SLC6A7: variants seen among roughly 807,000 people sequenced by gnomAD.
SLC6A7 encodes sodium-dependent proline transporter.
Under a neutral mutation model 73.1 loss-of-function variants are expected in SLC6A7, and 58 were observed. That is an observed-to-expected ratio of 0.79 (90% CI 0.64 to 0.99). The LOEUF is 0.99. Among genes scored for constraint, SLC6A7 ranks in the 50% least tolerant of loss-of-function variants. SLC6A7 has a pLI of 0.00. For synonymous variants in SLC6A7, 338 were observed against 338.7 expected (o/e 1.00, Z 0.02); for missense variants, 783 against 831.4 (o/e 0.94, Z 0.72).
chr5:150,199,550 G>A (rs571062302), intron 5 of SLC6A7, among the ~76,000 whole-genome samples, 184 bp downstream of exon 5: 40 of 152,176 alleles, frequency 2.6e-4, no homozygotes, highest in Non-Finnish European at 4.3e-4. Context: ...GAGGACGCAC[G>A]GGGGCAAGGC....
chr5:150,208,023 C>T (rs904950563), intron 13 of SLC6A7, among the ~76,000 whole-genome samples: 1 of 151,672 alleles, frequency 6.6e-6, no homozygotes, highest in Admixed American at 6.6e-5. Flanking sequence ...GCAGGACAGC[C>T]CCCATAACAC....
chr5:150,194,641 G>A (rs1264447130), intron 1 of SLC6A7, 87 bp from the exon 2 acceptor site: 12 of 942,392 alleles, frequency 1.3e-5, no homozygotes, highest in Middle Eastern at 2.1e-4. Context: ...ATTTAGCCCT[G>A]TTCAATTCCA....
chr5:150,197,063 T>A lies in SLC6A7; in HGVS notation c.371T>A (p.Leu124His). 6.2e-7 allele frequency: 1 copy of A among 1,614,064 alleles called. No individual in the cohort carries two copies. The highest frequency in any genetic ancestry group is 8.5e-7 in the Non-Finnish European group (1 of 1,179,986). The change falls in exon 4 of 14, where the codon CTC (leucine) becomes CAC (histidine). Residue 124 changes from leucine to histidine, a missense_variant. Transcript: ENST00000230671. ...LFKGAGAAML[L>H]IVGLVAIYYN... ...CCAGGCGCCGGCGCAGCCATGCTGC[T>A]CATCGTGGGCTTGGTGGCCATCTAC...
chr5:150,203,639 C>G, intron 8 of SLC6A7, 28 bp from the exon 9 acceptor site: 1 of 1,183,056 alleles, frequency 8.5e-7, no homozygotes, highest in Non-Finnish European at 1.3e-6. Context: ...ATGACCCAAG[C>G]TGCTGACCCC....
At chr5:150,199,089 C>T (rs1018170369) in intron 4 of SLC6A7, 139 bp from the exon 5 acceptor site, 10 of 1,186,092 alleles carry the variant, frequency 8.4e-6, no homozygotes, top group Non-Finnish European at 1.1e-5. Context: ...CAGAGTTGGT[C>T]GGAGAAGGAT....
intron 4 of SLC6A7, among the ~76,000 whole-genome samples, chr5:150,198,110 A>AG (rs113670547): frequency 0.033 from 3,124 of 93,600 alleles, 127 homozygotes; most frequent in African/African-American, 0.097. Flanking sequence ...AAAGAAAGAA[A>AG]GAAAGAGAAA....
intron 1 of SLC6A7, 113 bp downstream of exon 1, chr5:150,190,473 C>A (rs921931026): frequency 3.6e-5 from 25 of 695,810 alleles, no homozygotes; most frequent in Non-Finnish European, 5.1e-5. Flanking sequence ...CAGCTTCGGG[C>A]TCTGGGGAAG....
In SLC6A7 at chr5:150,194,816, C is replaced by T. The variant is rs1752942437; in HGVS notation, c.122C>T (p.Thr41Ile). Residue 41 changes from threonine (T) to isoleucine (I), a missense_variant, in exon 2 of 14, where the codon ACA becomes ATA. Physicochemically the swap from Thr to Ile is moderately conservative, Grantham distance 89 (BLOSUM62 -1). Transcript: ENST00000230671. Reference sequence around the variant, plus strand: ...TTTGCTGCACACCGGGGGAACTGGACAGGCAAGCTGGACTTCCTGCTGTCC... The same window carrying T: ...TTTGCTGCACACCGGGGGAACTGGATAGGCAAGCTGGACTTCCTGCTGTCC... ...VDFAAHRGNW[T>I]GKLDFLLSCI... The T allele has an allele frequency of 1.2e-6, 2 of 1,614,032 alleles. No homozygotes were observed. Among genetic ancestry groups the T allele is most frequent in the African/African-American group, 1.3e-5 (1 of 74,896 alleles).
chr5:150,205,075 T>C (rs1017777874), intron 12 of SLC6A7, 148 bp downstream of exon 12: 4 of 609,274 alleles, frequency 6.6e-6, no homozygotes, highest in African/African-American at 1.9e-5. Flanking sequence ...TCCCCTCCCC[T>C]GATGTTCCCA....
In SLC6A7 at chr5:150,210,067, C is replaced by G. The variant is rs1753900110; in HGVS notation, c.*452C>G. 1 of 186,404 alleles carries G rather than the reference C, an allele frequency of 5.4e-6. No homozygotes were observed. Among genetic ancestry groups the G allele is most frequent in the Non-Finnish European group, 1.1e-5 (1 of 87,448 alleles). 11.5% of individuals were successfully genotyped at this position (186,404 alleles called of 1,614,324 possible). On this transcript the variant is annotated 3_prime_UTR_variant, in exon 14 of 14. Transcript: ENST00000230671. ...CCACACACCTTAGCACAACCAGAAT[C>G]TTGAGTTGGGCAGGGAAGGTCAGGG...
rs749482305 is a variant in SLC6A7, at chr5:150,197,291, G to A, written c.584+15G>A. On this transcript the variant is annotated intron_variant, in intron 4 of 13. Transcript: ENST00000230671. ...GAGTACTGGAGGTCAGGCAGCTGCT[G>A]GCCCCGCGGCATCTGAGGGGACCCT... 2.6e-6 allele frequency: 4 copies of A among 1,557,096 alleles called. No individual in the cohort carries two copies. The Middle Eastern group carries it at 6.8e-4, about 265-fold the overall frequency.
rs1337820712 is a variant in SLC6A7 at position 150,201,140 on chromosome 5, G to C, written c.775G>C (p.Val259Leu). The C allele has an allele frequency of 6.2e-7, 1 of 1,613,786 alleles. No individual in the cohort carries two copies. Among genetic ancestry groups the C allele is most frequent in the Non-Finnish European group, 8.5e-7 (1 of 1,179,840 alleles). ...FPYLILLMLL[V>L]RGVTLPGAWK... Reference sequence around the variant, plus strand: ...CTACCTCATCCTGCTCATGCTGCTGGTCCGCGGAGTCACCCTCCCAGGGGC... The same window carrying C: ...CTACCTCATCCTGCTCATGCTGCTGCTCCGCGGAGTCACCCTCCCAGGGGC... Residue 259 changes from valine (V) to leucine (L), a missense_variant, in exon 6 of 14, where the codon GTC (valine) becomes CTC (leucine). Physicochemically the swap from Val to Leu is conservative, Grantham distance 32 (BLOSUM62 1). Coordinates refer to ENST00000230671, the MANE Select transcript of SLC6A7 (RefSeq NM_014228.5).
intron 1 of SLC6A7, among the ~76,000 whole-genome samples, chr5:150,193,897 C>T (rs1752895006): frequency 6.6e-6 from 1 of 152,226 alleles, no homozygotes; most frequent in Admixed American, 6.5e-5. Context: ...CTAGTTCTTC[C>T]ACTCACCAAC....
intron 1 of SLC6A7, among the ~76,000 whole-genome samples, chr5:150,191,360 CACTCAT>C (rs1752775265): frequency 6.6e-6 from 1 of 152,168 alleles, no homozygotes; most frequent in African/African-American, 2.4e-5. Context: ...CTCACACACA[CACTCAT>C]TCATTCAAGT....
chr5:150,204,424 C>T, intron 10 of SLC6A7, 108 bp from the exon 11 acceptor site: 1 of 867,998 alleles, frequency 1.2e-6, no homozygotes, highest in Non-Finnish European at 2.0e-6. Context: ...ACCCTGTCAT[C>T]TTGTGCTGTC....
In SLC6A7 at chr5:150,190,340, C is replaced by A; in HGVS notation, c.13C>A (p.Gln5Lys). The A allele has an allele frequency of 6.6e-7, 1 of 1,509,740 alleles. No homozygotes were observed. Among genetic ancestry groups the A allele is most frequent in the African/African-American group, 1.4e-5 (1 of 69,218 alleles). The allele number at this position is 1,509,740 out of a possible 1,614,324, so 93.5% of individuals were successfully genotyped here. MKKL[Q>K]GAHLRKPVTP... ...CCCGCTCTCCAAGATGAAGAAGCTC[C>A]AGGGAGCTCACCTCCGCAAGGTAGG... The change falls in exon 1 of 14, where the codon CAG becomes AAG. Residue 5 changes from glutamine to lysine, a missense_variant. Physicochemically the swap from Gln to Lys is moderately conservative, Grantham distance 53. Coordinates refer to ENST00000230671, the MANE Select transcript of SLC6A7 (RefSeq NM_014228.5).
chr5:150,192,590 G>A (rs1752835869), intron 1 of SLC6A7, among the ~76,000 whole-genome samples: 1 of 152,216 alleles, frequency 6.6e-6, no homozygotes, highest in Non-Finnish European at 1.5e-5. Flanking sequence ...GGTGGGGTTG[G>A]GAACTCCAGT....
intron 13 of SLC6A7, among the ~76,000 whole-genome samples, chr5:150,206,646 C>T (rs1380614062): frequency 1.3e-5 from 2 of 152,234 alleles, no homozygotes; most frequent in African/African-American, 4.8e-5. Flanking sequence ...TGCTGCCAGA[C>T]CACAGGGGCA....
In SLC6A7 at chr5:150,199,364, A is replaced by T. The variant is rs1350833409; in HGVS notation, c.721A>T (p.Lys241Ter). 6.2e-7 allele frequency: 1 copy of T among 1,612,322 alleles called. No homozygotes were observed. Among genetic ancestry groups the T allele is most frequent in the Non-Finnish European group, 8.5e-7 (1 of 1,179,016 alleles). The change falls in exon 5 of 14, where the codon AAG (lysine) becomes TAG (stop). Residue 241 changes from lysine to a stop codon, truncating the protein, a stop_gained and splice_region_variant. Transcript: ENST00000230671. LOFTEE classifies it high-confidence loss of function. Reference protein sequence around the residue: ...CILKGVKSSGKVVYFTATFPY... With the variant: ...CILKGVKSSG The stretch of plus-strand genomic sequence containing the variant: ...CCTCAAGGGTGTGAAGTCTTCGGGC[A>T]AGGTGAAGCCTGGGAGGCCCCGGAG...
Sources: gnomAD v4.1 joint callset for allele counts (sites outside exome capture counted in the v4.1 genomes callset) on GRCh38, gnomAD v4.1.1 for gene constraint, MANE v1.5 for transcripts, NCBI Gene and HGNC (gene_info 2026-07-23, HGNC 2026-07-21) for gene names.